HDGFL3: variants seen among roughly 807,000 people sequenced by gnomAD.
HDGFL3 encodes hepatoma-derived growth factor-related protein 3.
HDGFL3 carries 6 observed loss-of-function variants against 27.6 expected under a neutral mutation model. The observed-to-expected ratio is 0.22, with a 90% confidence interval of 0.12 to 0.43. The LOEUF (loss-of-function observed/expected upper bound fraction) is 0.43, where lower values mean the gene tolerates loss of function less well. HDGFL3 is among the 20% of genes least tolerant of loss of function. The pLI is 1.00. For synonymous variants in HDGFL3, 88 were observed against 88.9 expected (o/e 0.99, Z 0.05); for missense variants, 207 against 250.1 (o/e 0.83, Z 1.16).
intron 1 of HDGFL3, among the ~76,000 whole-genome samples, chr15:83,203,958 A>G (rs2037683874): frequency 6.7e-6 from 1 of 148,956 alleles, no homozygotes; most frequent in Non-Finnish European, 1.5e-5. Context: ...TTTAACATTA[A>G]GCTAGCTAAT....
intron 2 of HDGFL3, among the ~76,000 whole-genome samples, chr15:83,163,510 T>C (rs182901486): frequency 3.3e-5 from 5 of 152,322 alleles, no homozygotes; most frequent in African/African-American, 1.2e-4. Flanking sequence ...CATTGTATTT[T>C]TAGGTTCCTT....
chr15:83,156,205 C>A (rs2037026988), intron 4 of HDGFL3, among the ~76,000 whole-genome samples: 1 of 152,194 alleles, frequency 6.6e-6, no homozygotes, highest in Admixed American at 6.5e-5. Flanking sequence ...TCCTTTCCCT[C>A]TGCCATATAT....
chr15:83,141,109 A>G (rs74028242), intron 5 of HDGFL3, among the ~76,000 whole-genome samples: 198 of 152,286 alleles, frequency 1.3e-3, no homozygotes, highest in African/African-American at 4.4e-3. Flanking sequence ...TGTATTGAAA[A>G]CTGCATCTTG....
At chr15:83,127,047 A>G (rs919757508), downstream of HDGFL3, among the ~76,000 whole-genome samples, 2 of 152,038 alleles carry the variant, frequency 1.3e-5, no homozygotes, top group Admixed American at 6.6e-5. Context: ...ACAAAAAACT[A>G]GCCGGGCATG....
intron 1 of HDGFL3, among the ~76,000 whole-genome samples, chr15:83,191,516 T>C (rs1305071824): frequency 6.6e-6 from 1 of 152,208 alleles, no homozygotes; most frequent in Non-Finnish European, 1.5e-5. Flanking sequence ...CAACAGTTAA[T>C]TGTGAATCTC....
chr15:83,119,739 G>A, intron 3 of HDGFL3: 4 of 1,609,334 alleles, frequency 2.5e-6, no homozygotes, highest in Middle Eastern at 3.3e-4. Context: ...AAGCGGGTAT[G>A]TAAGGAAACG....
At chr15:83,119,085 GTGCC>G (rs959171839) in intron 3 of HDGFL3, among the ~76,000 whole-genome samples, 4 of 152,162 alleles carry the variant, frequency 2.6e-5, no homozygotes, top group Non-Finnish European at 4.4e-5. Context: ...TCCGAGTTCG[GTGCC>G]TGCCTGCCTA....
chr15:83,175,792 A>G (rs1294547042), intron 1 of HDGFL3, among the ~76,000 whole-genome samples: 3 of 152,224 alleles, frequency 2.0e-5, no homozygotes, highest in African/African-American at 7.2e-5. Flanking sequence ...CCCGGGAGGC[A>G]GAGCTTTCAG....
At chr15:83,126,622 G>A (rs1025203480), downstream of HDGFL3, 10 of 642,364 alleles carry the variant, frequency 1.6e-5, no homozygotes, top group Admixed American at 2.7e-5. Context: ...CATCATTGAT[G>A]AGCCTCTACA....
intron 1 of HDGFL3, among the ~76,000 whole-genome samples, chr15:83,172,108 G>A (rs1168187794): frequency 1.3e-5 from 2 of 152,182 alleles, no homozygotes; most frequent in African/African-American, 2.4e-5. Context: ...TTCAGGTGCT[G>A]TTAATGTAAT....
At chr15:83,140,480 AGTT>A (rs2036746167) in intron 5 of HDGFL3, among the ~76,000 whole-genome samples, 2 of 111,012 alleles carry the variant, frequency 1.8e-5, no homozygotes, top group South Asian at 3.6e-4. Context: ...AACCAAAGAA[AGTT>A]TTTTTTTTTT....
intron 5 of HDGFL3, among the ~76,000 whole-genome samples, chr15:83,150,746 T>C (rs566066737): frequency 1.3e-5 from 2 of 152,310 alleles, no homozygotes; most frequent in African/African-American, 4.8e-5. Context: ...AATTTGTCCC[T>C]AGGGGTACTT....
chr15:83,149,595 T>C (rs1293178707), intron 5 of HDGFL3, among the ~76,000 whole-genome samples: 3 of 152,162 alleles, frequency 2.0e-5, no homozygotes, highest in African/African-American at 7.2e-5. Context: ...AAATGAGACG[T>C]TGGATCGGGC....
rs1016109404 is a variant in HDGFL3, at chr15:83,176,750, G to A, written c.85-12675C>T. 4.6e-5 allele frequency among the ~76,000 whole-genome samples: 7 copies of A among 151,934 alleles called. No homozygotes were observed. The East Asian group carries it at 1.4e-3, about 29-fold the overall frequency. On this transcript the variant is annotated intron_variant, in intron 1 of 5. Coordinates refer to ENST00000299633, the MANE Select transcript of HDGFL3 (RefSeq NM_016073.4). ...CTCTTGCTGTGGTTCCTGCGGATGGGTTGCTTTCATTTCTTGTAATTAACA... is the reference window on the plus strand; with the variant it reads ...CTCTTGCTGTGGTTCCTGCGGATGGATTGCTTTCATTTCTTGTAATTAACA...
At chr15:83,199,821 T>C (rs1449778561) in intron 1 of HDGFL3, among the ~76,000 whole-genome samples, 3 of 151,032 alleles carry the variant, frequency 2.0e-5, no homozygotes, top group Non-Finnish European at 4.4e-5. Flanking sequence ...GGCGGGTGGA[T>C]CACGAGGTCA....
intron 1 of HDGFL3, among the ~76,000 whole-genome samples, chr15:83,187,734 C>T (rs2037462562): frequency 1.3e-5 from 2 of 151,876 alleles, no homozygotes; most frequent in African/African-American, 4.8e-5. Context: ...AATAAAAATA[C>T]AAAATTAGCC....
At chr15:83,142,818 C>A (rs978063638) in intron 5 of HDGFL3, among the ~76,000 whole-genome samples, 9 of 152,072 alleles carry the variant, frequency 5.9e-5, no homozygotes, top group Non-Finnish European at 8.8e-5. Context: ...TCTATCAAAT[C>A]AGACATTAAA....
At chr15:83,192,606 AT>A (rs1032587218) in intron 1 of HDGFL3, among the ~76,000 whole-genome samples, 1 of 152,194 alleles carries the variant, frequency 6.6e-6, no homozygotes. Flanking sequence ...AAAAGACAGC[AT>A]TTTTTGGATA....
intron 1 of HDGFL3, among the ~76,000 whole-genome samples, chr15:83,167,142 C>G (rs537397390): frequency 1.3e-5 from 2 of 152,098 alleles, no homozygotes; most frequent in Non-Finnish European, 1.5e-5. Flanking sequence ...TTAGATGTAA[C>G]GACACCCATA....
Sources: allele counts gnomAD v4.1 joint callset (sites outside exome capture counted in the v4.1 genomes callset), GRCh38; gene constraint gnomAD v4.1.1; transcripts MANE v1.5; gene names NCBI Gene and HGNC (gene_info 2026-07-23, HGNC 2026-07-21).